The following RBFOX1 variants were observed in gnomAD, a reference collection of about 807,000 sequenced individuals.
The protein encoded by RBFOX1 is RNA binding fox-1 homolog 1, also known as RNA binding protein fox-1 homolog 1.
Under a neutral mutation model 57.7 loss-of-function variants are expected in RBFOX1, and 8 were observed. The ratio of observed to expected loss-of-function variants is 0.14; its 90% CI spans 0.08 to 0.25. The LOEUF (loss-of-function observed/expected upper bound fraction) is 0.25. RBFOX1 is among the 10% of genes least tolerant of loss of function. The pLI is 1.00. For missense variants in RBFOX1, 611 were observed against 548.5 expected (o/e 1.11, Z -1.14); for synonymous variants, 326 against 222.4 (o/e 1.47, Z -4.15).
intron 2 of RBFOX1, among the ~76,000 whole-genome samples, chr16:6,648,757 T>C (rs1479404752): frequency 6.6e-6 from 1 of 152,154 alleles, no homozygotes; most frequent in Non-Finnish European, 1.5e-5. Context: ...AGAGCTGCTT[T>C]TTCTCACCTC....
At chr16:6,114,430 T>G (rs1240724261) in intron 1 of RBFOX1, among the ~76,000 whole-genome samples, 1 of 152,246 alleles carries the variant, frequency 6.6e-6, no homozygotes, top group African/African-American at 2.4e-5. Flanking sequence ...ATCACCTTTT[T>G]GTGTGTACGT....
intron 3 of RBFOX1, among the ~76,000 whole-genome samples, chr16:6,662,759 C>A (rs1181379366): frequency 6.6e-6 from 1 of 152,144 alleles, no homozygotes; most frequent in Non-Finnish European, 1.5e-5. Context: ...TGGCTATAAC[C>A]GAATGACAGT....
At chr16:5,557,332 T>G (rs2045718532) in intron 2 of RBFOX1, among the ~76,000 whole-genome samples, 1 of 152,124 alleles carries the variant, frequency 6.6e-6, no homozygotes, top group Non-Finnish European at 1.5e-5. Flanking sequence ...TTTGCGTTCC[T>G]GCTGTCTGTC....
At chr16:6,511,742 A>G (rs1309698782) in intron 2 of RBFOX1, among the ~76,000 whole-genome samples, 1 of 152,224 alleles carries the variant, frequency 6.6e-6, no homozygotes, top group Non-Finnish European at 1.5e-5. Flanking sequence ...TGCACTATAG[A>G]TGGATTTTAT....
At chr16:7,698,662 T>A (rs929033319) in intron 14 of RBFOX1, among the ~76,000 whole-genome samples, 11 of 152,220 alleles carry the variant, frequency 7.2e-5, no homozygotes, top group Admixed American at 3.3e-4. Context: ...TTTTAGTGAT[T>A]TGATTATTCA....
chr16:5,395,502 G>T, intron 1 of RBFOX1, among the ~76,000 whole-genome samples: 1 of 152,152 alleles, frequency 6.6e-6, no homozygotes, highest in East Asian at 1.9e-4. Flanking sequence ...GCTTGGCTGC[G>T]TGGTTGAGGG....
chr16:7,046,234 A>AGG (rs1418525941), intron 3 of RBFOX1, among the ~76,000 whole-genome samples: 2 of 133,688 alleles, frequency 1.5e-5, no homozygotes, highest in Non-Finnish European at 1.5e-5. Flanking sequence ...GTTTAGGTAA[A>AGG]GGGGTGTGTG....
At chr16:6,298,272 T>G (rs1159552666) in intron 1 of RBFOX1, among the ~76,000 whole-genome samples, 1 of 152,198 alleles carries the variant, frequency 6.6e-6, no homozygotes, top group Non-Finnish European at 1.5e-5. Context: ...AATGGTAGTG[T>G]CTGTGAATGC....
At chr16:7,100,406 A>G (rs553110995) in intron 4 of RBFOX1, among the ~76,000 whole-genome samples, 2 of 152,080 alleles carry the variant, frequency 1.3e-5, no homozygotes, top group East Asian at 3.9e-4. Flanking sequence ...TTTTTGACGT[A>G]TTTCCTCCTC....
At chr16:7,620,067 G>A (rs767670305) in intron 10 of RBFOX1, among the ~76,000 whole-genome samples, 12 of 152,118 alleles carry the variant, frequency 7.9e-5, no homozygotes, top group Non-Finnish European at 1.5e-4. Flanking sequence ...TTAGCATTAT[G>A]TTTAGTGGCC....
At chr16:6,243,297 T>G (rs1015191191) in intron 1 of RBFOX1, among the ~76,000 whole-genome samples, 1 of 152,190 alleles carries the variant, frequency 6.6e-6, no homozygotes. Flanking sequence ...TCTTTGTACT[T>G]TCAAAGAATT....
chr16:6,871,928 TG>T (rs1347412075), intron 3 of RBFOX1, among the ~76,000 whole-genome samples: 2 of 146,416 alleles, frequency 1.4e-5, no homozygotes, highest in African/African-American at 2.6e-5. Flanking sequence ...TGTGTGTGTG[TG>T]TGTGTGTGTG....
chr16:6,890,939 G>C (rs1480960568), intron 3 of RBFOX1, among the ~76,000 whole-genome samples: 1 of 152,186 alleles, frequency 6.6e-6, no homozygotes, highest in Non-Finnish European at 1.5e-5. Context: ...TTGCTTGCTT[G>C]TGACTGTAAG....
intron 4 of RBFOX1, among the ~76,000 whole-genome samples, chr16:7,284,352 A>G (rs2095606902): frequency 1.3e-5 from 2 of 152,162 alleles, no homozygotes; most frequent in Admixed American, 1.3e-4. Context: ...CATTTAAGAT[A>G]TAGACTCCTG....
At chr16:7,709,467 T>C (rs966176206) in intron 15 of RBFOX1, 109 of 1,443,908 alleles carry the variant, frequency 7.5e-5, no homozygotes, top group Middle Eastern at 3.6e-4. Context: ...TCTTTTTTTT[T>C]CCCTCCCTTG....
chr16:5,658,108 T>G (rs2049513774), intron 3 of RBFOX1, among the ~76,000 whole-genome samples: 1 of 152,176 alleles, frequency 6.6e-6, no homozygotes, highest in South Asian at 2.1e-4. Flanking sequence ...GCTCTGTGGC[T>G]ACAAGTCAGT....
At chr16:7,239,612 T>A (rs1567847581) in intron 4 of RBFOX1, among the ~76,000 whole-genome samples, 1 of 152,164 alleles carries the variant, frequency 6.6e-6, no homozygotes. Flanking sequence ...CAGAAAACAC[T>A]GAGCTTCTCT....
intron 2 of RBFOX1, among the ~76,000 whole-genome samples, chr16:6,645,207 G>A (rs1000628137): frequency 6.6e-6 from 1 of 152,124 alleles, no homozygotes; most frequent in Admixed American, 6.5e-5. Flanking sequence ...AACCCACCCA[G>A]ATAATACAGA....
intron 3 of RBFOX1, among the ~76,000 whole-genome samples, chr16:5,718,518 A>C (rs1162394777): frequency 6.6e-6 from 1 of 152,266 alleles, no homozygotes; most frequent in Non-Finnish European, 1.5e-5. Context: ...GTGAAATACA[A>C]GGCTTGGAAG....
Sources: gnomAD v4.1 joint callset for allele counts (sites outside exome capture counted in the v4.1 genomes callset) on GRCh38, gnomAD v4.1.1 for gene constraint, MANE v1.5 for transcripts, NCBI Gene and HGNC (gene_info 2026-07-23, HGNC 2026-07-21) for gene names.